The following ARHGAP10 variants were observed in gnomAD, a reference collection of about 807,000 sequenced individuals.
ARHGAP10 encodes Rho GTPase activating protein 10, also known as rho GTPase-activating protein 10.
ARHGAP10 carries 87 observed loss-of-function variants against 108.6 expected under a neutral mutation model. That is an observed-to-expected ratio of 0.80 (90% CI 0.67 to 0.96). The LOEUF (loss-of-function observed/expected upper bound fraction) is 0.96, where lower values mean the gene tolerates loss of function less well. ARHGAP10 is among the 40% of genes least tolerant of loss of function. The probability of loss-of-function intolerance (pLI) is 0.00; values close to 1 mark genes in which losing one functional copy is unlikely to be tolerated. For synonymous variants in ARHGAP10, 347 were observed against 341.1 expected (o/e 1.02, Z -0.19); for missense variants, 939 against 954.5 (o/e 0.98, Z 0.21).
chr4:148,014,434 G>T (rs1173818562), intron 18 of ARHGAP10, among the ~76,000 whole-genome samples: 1 of 152,190 alleles, frequency 6.6e-6, no homozygotes. Flanking sequence ...TATAATTGGG[G>T]ATATATGTTC....
intron 1 of ARHGAP10, among the ~76,000 whole-genome samples, chr4:147,795,743 G>A (rs1260292435): frequency 1.3e-5 from 2 of 150,138 alleles, no homozygotes; most frequent in African/African-American, 4.9e-5. Context: ...TGCCCAGGCT[G>A]GAGTGCTGTG....
At chr4:147,742,301 A>G (rs190134697) in intron 1 of ARHGAP10, among the ~76,000 whole-genome samples, 22 of 152,006 alleles carry the variant, frequency 1.4e-4, no homozygotes, top group Non-Finnish European at 2.6e-4. Flanking sequence ...ACTCTGCCTC[A>G]CTGGTGGTGG....
chr4:147,830,522 T>TG, intron 3 of ARHGAP10, among the ~76,000 whole-genome samples: 1 of 148,516 alleles, frequency 6.7e-6, no homozygotes, highest in East Asian at 2.0e-4. Flanking sequence ...CTTTTTTTTT[T>TG]TTTTTTTTTT....
intron 16 of ARHGAP10, among the ~76,000 whole-genome samples, chr4:147,960,384 G>A (rs547109389): frequency 6.6e-6 from 1 of 152,136 alleles, no homozygotes; most frequent in South Asian, 2.1e-4. Context: ...CTATTATTAG[G>A]GGTGTAAACT....
At chr4:147,829,923 C>G (rs1189997991) in intron 3 of ARHGAP10, among the ~76,000 whole-genome samples, 1 of 152,168 alleles carries the variant, frequency 6.6e-6, no homozygotes, top group Non-Finnish European at 1.5e-5. Flanking sequence ...TTCAGGAAAA[C>G]TGCGGGGAAG....
intron 17 of ARHGAP10, among the ~76,000 whole-genome samples, chr4:147,965,347 T>C (rs1739166103): frequency 6.6e-6 from 1 of 152,210 alleles, no homozygotes; most frequent in Non-Finnish European, 1.5e-5. Flanking sequence ...AGGGTTTGAT[T>C]TGAAGTGAAA....
At chr4:147,961,704 A>G (rs1001543651) in intron 16 of ARHGAP10, among the ~76,000 whole-genome samples, 3 of 151,128 alleles carry the variant, frequency 2.0e-5, no homozygotes, top group African/African-American at 7.3e-5. Context: ...TAACCTCCTC[A>G]TTTTAGTAGA....
chr4:147,850,603 T>C (rs1361168451), intron 4 of ARHGAP10, among the ~76,000 whole-genome samples: 1 of 152,134 alleles, frequency 6.6e-6, no homozygotes, highest in East Asian at 1.9e-4. Context: ...AGGAAGAAAC[T>C]CCGGACACAT....
Position 147,986,867 on chromosome 4 carries a change from G to A in ARHGAP10, c.1716+20028G>A, listed in dbSNP as rs560226050. ...CAAATTCACATAGTTGGTAAGTGGG[G>A]ATTCAGACCCAGGCTGCCTGGCTTT... On this transcript the variant is annotated intron_variant, in intron 18 of 22. Transcript: ENST00000336498. Among the ~76,000 whole-genome samples the A allele has an allele frequency of 3.9e-5, 6 of 152,310 alleles. No individual in the cohort carries two copies. The South Asian group carries it at 1.2e-3, about 32-fold the overall frequency.
chr4:148,050,803 TG>T (rs1408528048), intron 20 of ARHGAP10, among the ~76,000 whole-genome samples: 1 of 152,274 alleles, frequency 6.6e-6, no homozygotes, highest in East Asian at 1.9e-4. Flanking sequence ...GTTCTCTTCT[TG>T]TCTTTTCCCC....
intron 3 of ARHGAP10, among the ~76,000 whole-genome samples, chr4:147,834,836 G>A (rs1192326806): frequency 4.0e-5 from 6 of 148,578 alleles, no homozygotes; most frequent in African/African-American, 1.5e-4. Flanking sequence ...ATCACTGTCT[G>A]ATGGCCCCTC....
intron 13 of ARHGAP10, among the ~76,000 whole-genome samples, chr4:147,929,393 A>G (rs1019412019): frequency 6.6e-6 from 1 of 152,356 alleles, no homozygotes; most frequent in Admixed American, 6.5e-5. Flanking sequence ...CCATTTTAAT[A>G]TAAATACACA....
chr4:147,774,811 G>A (rs1440787937), intron 1 of ARHGAP10, among the ~76,000 whole-genome samples: 2 of 152,084 alleles, frequency 1.3e-5, no homozygotes, highest in African/African-American at 4.8e-5. Context: ...TTTTGTCATT[G>A]ACAGAGTCTC....
intron 9 of ARHGAP10, among the ~76,000 whole-genome samples, chr4:147,879,970 T>C (rs1003190518): frequency 1.3e-5 from 2 of 152,232 alleles, no homozygotes; most frequent in African/African-American, 4.8e-5. Context: ...ACGATAAATT[T>C]TACTGTTGTT....
At chr4:147,854,991 A>G (rs1734029103) in intron 4 of ARHGAP10, 3 of 437,434 alleles carry the variant, frequency 6.9e-6, no homozygotes, top group Non-Finnish European at 9.1e-6. Flanking sequence ...TTGACCGCTG[A>G]TTAAAGCGTC....
At chr4:147,933,336 C>T (rs1373172931) in intron 13 of ARHGAP10, among the ~76,000 whole-genome samples, 2 of 152,202 alleles carry the variant, frequency 1.3e-5, no homozygotes, top group Non-Finnish European at 2.9e-5. Context: ...TCAAGCAGTC[C>T]TTCTCCCTCA....
intron 18 of ARHGAP10, among the ~76,000 whole-genome samples, chr4:148,012,260 T>C (rs1431841130): frequency 6.6e-6 from 1 of 152,210 alleles, no homozygotes; most frequent in East Asian, 1.9e-4. Flanking sequence ...GAGAGAACTC[T>C]CCCCCTGTGC....
At chr4:148,071,580 C>T (rs1033067854) in intron 22 of ARHGAP10, among the ~76,000 whole-genome samples, 29 of 152,084 alleles carry the variant, frequency 1.9e-4, no homozygotes, top group African/African-American at 6.3e-4. Flanking sequence ...CGCGCCACCG[C>T]ACTCCAGCCT....
chr4:148,052,763 C>G (rs1246967049), intron 20 of ARHGAP10, among the ~76,000 whole-genome samples: 1 of 152,062 alleles, frequency 6.6e-6, no homozygotes, highest in Non-Finnish European at 1.5e-5. Context: ...AGCAGGGTCA[C>G]TTAGATAGTG....
Sources: gnomAD v4.1 joint callset for allele counts (sites outside exome capture counted in the v4.1 genomes callset) on GRCh38, gnomAD v4.1.1 for gene constraint, MANE v1.5 for transcripts, NCBI Gene and HGNC (gene_info 2026-07-23, HGNC 2026-07-21) for gene names.